Variants in WDPCP observed in about 807,000 individuals in gnomAD.
WDPCP encodes WD repeat-containing and planar cell polarity effector protein fritz homolog.
Under a neutral mutation model 93.1 loss-of-function variants are expected in WDPCP, and 71 were observed. The ratio of observed to expected loss-of-function variants is 0.76; its 90% CI spans 0.63 to 0.93. WDPCP has a LOEUF of 0.93. Ranked by LOEUF, WDPCP falls within the 40% of genes least tolerant of loss-of-function variation. The probability of loss-of-function intolerance (pLI) is 0.00; values close to 1 mark genes in which losing one functional copy is unlikely to be tolerated. For missense variants in WDPCP, 844 were observed against 887.4 expected (o/e 0.95, Z 0.62); for synonymous variants, 315 against 315.0 (o/e 1.00, Z 0.00).
chr2:63,304,937 T>C (rs1216863978), intron 13 of WDPCP, among the ~76,000 whole-genome samples: 1 of 151,944 alleles, frequency 6.6e-6, no homozygotes, highest in Non-Finnish European at 1.5e-5. Context: ...TATTGAGGCT[T>C]GAGTAGGCAG....
At chr2:63,457,789 T>C (rs949254812) in intron 6 of WDPCP, among the ~76,000 whole-genome samples, 3 of 152,136 alleles carry the variant, frequency 2.0e-5, no homozygotes, top group Non-Finnish European at 4.4e-5. Context: ...AAACTAGGCA[T>C]AGAAAGACCA....
intron 10 of WDPCP, among the ~76,000 whole-genome samples, chr2:63,386,091 T>A (rs1692708190): frequency 6.6e-6 from 1 of 152,044 alleles, no homozygotes; most frequent in Non-Finnish European, 1.5e-5. Context: ...ACCATCAACC[T>A]AAATGTAAGA....
chr2:63,838,400 A>C, the WDPCP span, among the ~76,000 whole-genome samples: 1 of 152,214 alleles, frequency 6.6e-6, no homozygotes, highest in East Asian at 1.9e-4. Flanking sequence ...TCTATGGGAA[A>C]GTAGAAAGAA....
chr2:63,449,371 A>AC (rs1171861974), intron 6 of WDPCP, among the ~76,000 whole-genome samples: 6 of 152,014 alleles, frequency 3.9e-5, no homozygotes, highest in African/African-American at 7.3e-5. Flanking sequence ...GACATCAGAT[A>AC]CCCCCCCACT....
At chr2:63,498,905 G>C (rs1701383136) in intron 1 of WDPCP, among the ~76,000 whole-genome samples, 2 of 152,200 alleles carry the variant, frequency 1.3e-5, no homozygotes, top group Non-Finnish European at 2.9e-5. Flanking sequence ...AAGAACCTAA[G>C]GTAAATAAGG....
chr2:63,317,670 C>A (rs1438971019), intron 12 of WDPCP, among the ~76,000 whole-genome samples: 1 of 152,110 alleles, frequency 6.6e-6, no homozygotes, highest in Non-Finnish European at 1.5e-5. Flanking sequence ...GGGGAAATGA[C>A]CTCCTATTTA....
chr2:63,751,724 G>C, intron 2 of WDPCP: 1 of 550,650 alleles, frequency 1.8e-6, no homozygotes, highest in Non-Finnish European at 3.4e-6. Context: ...AACTACTGCT[G>C]CTACTGAAAT....
chr2:63,339,299 G>A (rs187357017), intron 12 of WDPCP, among the ~76,000 whole-genome samples: 35 of 152,002 alleles, frequency 2.3e-4, no homozygotes, highest in Admixed American at 7.2e-4. Context: ...TCAACTTCCC[G>A]AGTAGCTGGA....
intron 13 of WDPCP, among the ~76,000 whole-genome samples, chr2:63,288,123 G>A (rs1405958122): frequency 6.6e-6 from 1 of 152,178 alleles, no homozygotes; most frequent in Non-Finnish European, 1.5e-5. Flanking sequence ...GATGGCTGGA[G>A]AGCAGCAGCT....
At chr2:63,626,268 A>G (rs1385603632) in intron 3 of WDPCP, among the ~76,000 whole-genome samples, 1 of 152,272 alleles carries the variant, frequency 6.6e-6, no homozygotes, top group Non-Finnish European at 1.5e-5. Flanking sequence ...CATTCAGGAC[A>G]TAGGCATGGG....
At chr2:63,757,987 G>C (rs1669994556) in intron 2 of WDPCP, among the ~76,000 whole-genome samples, 1 of 152,166 alleles carries the variant, frequency 6.6e-6, no homozygotes, top group African/African-American at 2.4e-5. Context: ...GTAAAAGGCA[G>C]TAGACTTTTA....
chr2:63,407,003 A>G (rs1694642138), intron 9 of WDPCP, among the ~76,000 whole-genome samples: 6 of 152,188 alleles, frequency 3.9e-5, no homozygotes, highest in Admixed American at 3.3e-4. Flanking sequence ...ATTTGGGGGT[A>G]GCACTTTCCA....
chr2:63,519,374 T>G (rs573682955), intron 1 of WDPCP: 9 of 152,352 alleles, frequency 5.9e-5, no homozygotes, highest in South Asian at 2.1e-4. Context: ...ACAGAGAGGC[T>G]GGCACTCCTG....
the WDPCP span, among the ~76,000 whole-genome samples, chr2:63,835,757 T>C: frequency 2.6e-4 from 39 of 152,318 alleles, no homozygotes; most frequent in African/African-American, 9.1e-4. Context: ...GAAAAAGTAG[T>C]TACCTTTTAT....
intron 10 of WDPCP, among the ~76,000 whole-genome samples, chr2:63,397,987 G>A (rs1693866096): frequency 6.6e-6 from 1 of 152,148 alleles, no homozygotes; most frequent in African/African-American, 2.4e-5. Flanking sequence ...AGATAGATGG[G>A]GCCGGGGAGG....
At chr2:63,179,061 C>T (rs1363565757) in intron 14 of WDPCP, among the ~76,000 whole-genome samples, 2 of 151,898 alleles carry the variant, frequency 1.3e-5, no homozygotes, top group Non-Finnish European at 2.9e-5. Context: ...ATTACCTAGG[C>T]GTGGTAGCTC....
At chr2:63,441,638 A>G (rs1697512135) in intron 6 of WDPCP, 2 of 143,438 alleles carry the variant, frequency 1.4e-5, no homozygotes, top group African/African-American at 5.0e-5. Flanking sequence ...TTGCAGTTAC[A>G]AAAAAAAAAA....
At chr2:63,504,504 G>C (rs1701749740) in intron 1 of WDPCP, among the ~76,000 whole-genome samples, 1 of 151,886 alleles carries the variant, frequency 6.6e-6, no homozygotes, top group African/African-American at 2.4e-5. Context: ...TATGGAAACT[G>C]AAATCTATGA....
At chr2:63,544,851 T>G (rs1705017738) in intron 1 of WDPCP, among the ~76,000 whole-genome samples, 1 of 152,224 alleles carries the variant, frequency 6.6e-6, no homozygotes, top group African/African-American at 2.4e-5. Flanking sequence ...ATTACCATAT[T>G]ATATGAAATT....
Sources: gnomAD v4.1 joint callset for allele counts (sites outside exome capture counted in the v4.1 genomes callset) on GRCh38, gnomAD v4.1.1 for gene constraint, MANE v1.5 for transcripts, NCBI Gene and HGNC (gene_info 2026-07-23, HGNC 2026-07-21) for gene names.